Variants in CPEB1 observed in about 807,000 individuals in gnomAD.
CPEB1 encodes the protein cytoplasmic polyadenylation element binding protein 1.
A neutral mutation model predicts 65.8 loss-of-function variants in CPEB1; 7 were observed. The observed-to-expected ratio is 0.11, with a 90% CI of 0.06 to 0.20. The LOEUF is 0.20. Ranked by LOEUF, CPEB1 falls within the 10% of genes least tolerant of loss-of-function variation. CPEB1 has a pLI of 1.00. For missense variants in CPEB1, 551 were observed against 712.2 expected (o/e 0.77, Z 2.58); for synonymous variants, 262 against 260.0 (o/e 1.01, Z -0.08).
chr15:82,564,260 A>C (rs1344990468), intron 4 of CPEB1, among the ~76,000 whole-genome samples: 1 of 151,950 alleles, frequency 6.6e-6, no homozygotes, highest in Non-Finnish European at 1.5e-5. Context: ...TATTCAATTT[A>C]AGGACACAAT....
Position 82,627,343 on chromosome 15 carries a change from C to G in CPEB1, c.121G>C (p.Asp41His), listed in dbSNP as rs528444931. The G allele has an allele frequency of 2.8e-5, 45 of 1,612,576 alleles. No individual in the cohort carries two copies. In the South Asian group the frequency reaches 4.6e-4, roughly 17 times the overall value. Residue 41 changes from aspartate (D) to histidine (H), a missense_variant, in exon 3 of 13, where the codon GAT becomes CAT. By Grantham distance (81) the Asp-to-His change is moderately conservative (BLOSUM62 -1). Transcript: ENST00000684509. Reference sequence around the variant, plus strand: ...GGTGCTTCCTGGTTGTCCCAGCAATCTTTTATCCTTCCTGCTTCTTCTTCC... The same window carrying G: ...GGTGCTTCCTGGTTGTCCCAGCAATGTTTTATCCTTCCTGCTTCTTCTTCC... The part of the protein sequence containing the change: ...PLEEEAGRIK[D>H]CWDNQEAPAL...
chr15:82,595,299 T>A (rs1239025525), intron 3 of CPEB1, among the ~76,000 whole-genome samples: 1 of 152,258 alleles, frequency 6.6e-6, no homozygotes, highest in Non-Finnish European at 1.5e-5. Flanking sequence ...TAAGTTTTTG[T>A]ATGAACATTC....
At position 82,627,346 on chromosome 15, in the gene CPEB1, T is replaced by C. The variant is rs1347429740; in HGVS notation, c.118A>G (p.Lys40Glu). ...IPLEEEAGRIKDCWDNQEAPA... is the reference protein window; with the variant it reads ...IPLEEEAGRIEDCWDNQEAPA... ...GCTTCCTGGTTGTCCCAGCAATCTTTTATCCTTCCTGCTTCTTCTTCCTAG... is the reference window on the plus strand; with the variant it reads ...GCTTCCTGGTTGTCCCAGCAATCTTCTATCCTTCCTGCTTCTTCTTCCTAG... Residue 40 changes from lysine to glutamate, a missense_variant, in exon 3 of 13, where the codon AAA (lysine) becomes GAA (glutamate). Physicochemically the swap from Lys to Glu is moderately conservative, Grantham distance 56. Coordinates refer to ENST00000684509, the MANE Select transcript of CPEB1 (RefSeq NM_001365242.1). 1.9e-6 allele frequency: 3 copies of C among 1,612,614 alleles called. No homozygotes were observed. The highest frequency in any genetic ancestry group is 1.1e-5 in the South Asian group (1 of 90,746).
intron 4 of CPEB1, among the ~76,000 whole-genome samples, chr15:82,568,213 C>G (rs1270203500): frequency 1.3e-5 from 2 of 152,148 alleles, no homozygotes; most frequent in Non-Finnish European, 2.9e-5. Context: ...TCTGTACAAG[C>G]ATTAAAATCA....
intron 1 of CPEB1, among the ~76,000 whole-genome samples, chr15:82,641,858 A>G (rs1250300838): frequency 6.6e-6 from 1 of 152,196 alleles, no homozygotes; most frequent in Non-Finnish European, 1.5e-5. Context: ...CCCAGGTCCA[A>G]GTTAATCAAA....
intron 9 of CPEB1, among the ~76,000 whole-genome samples, 190 bp from the exon 10 acceptor site, chr15:82,549,848 T>G (rs112803112): frequency 1.9e-4 from 29 of 151,928 alleles, no homozygotes; most frequent in African/African-American, 6.3e-4. Context: ...CCAACTGGAG[T>G]TGAATTTTAC....
chr15:82,633,487 C>T (rs1456226939), intron 1 of CPEB1, among the ~76,000 whole-genome samples: 1 of 152,244 alleles, frequency 6.6e-6, no homozygotes, highest in Non-Finnish European at 1.5e-5. Flanking sequence ...ATTCTCCTGC[C>T]TCAGCCTCCC....
intron 3 of CPEB1, among the ~76,000 whole-genome samples, chr15:82,596,672 T>C (rs1278455335): frequency 7.5e-6 from 1 of 133,936 alleles, no homozygotes. Flanking sequence ...CACTCCAACC[T>C]GGGCAACAGA....
intron 3 of CPEB1, among the ~76,000 whole-genome samples, chr15:82,580,493 T>C (rs1218649857): frequency 6.6e-6 from 1 of 152,140 alleles, no homozygotes; most frequent in Non-Finnish European, 1.5e-5. Flanking sequence ...ATGCAAGGGG[T>C]ACCCTGTACT....
chr15:82,645,219 C>T (rs1212788573), intron 1 of CPEB1, among the ~76,000 whole-genome samples: 1 of 152,152 alleles, frequency 6.6e-6, no homozygotes, highest in Non-Finnish European at 1.5e-5. Context: ...AGTGGCTGAT[C>T]TCGGCTCACT....
At chr15:82,577,936 C>G (rs996394253) in intron 3 of CPEB1, among the ~76,000 whole-genome samples, 3 of 151,962 alleles carry the variant, frequency 2.0e-5, no homozygotes, top group African/African-American at 7.2e-5. Context: ...GTCAGGAGAT[C>G]GAGACCATCC....
At chr15:82,596,985 A>G (rs1180351218) in intron 3 of CPEB1, among the ~76,000 whole-genome samples, 1 of 152,174 alleles carries the variant, frequency 6.6e-6, no homozygotes, top group Non-Finnish European at 1.5e-5. Flanking sequence ...TTAGAAAACA[A>G]AAAAGGATAT....
chr15:82,547,669 T>C (rs2035497608), intron 10 of CPEB1, among the ~76,000 whole-genome samples: 1 of 146,420 alleles, frequency 6.8e-6, no homozygotes, highest in Admixed American at 6.7e-5. Context: ...TGTGAGCTAC[T>C]ATGTAACTTT....
rs1190642598 is a variant in CPEB1 at position 82,571,953 on chromosome 15, C to CAAGT, written c.272-422_272-421insACTT. 10 of 726,828 alleles carry CAAGT rather than the reference C, an allele frequency of 1.4e-5. No homozygotes were observed. In the Admixed American group the frequency reaches 1.8e-4, roughly 13 times the overall value. 45.0% of individuals were successfully genotyped at this position (726,828 alleles called of 1,614,324 possible). ...TACTTGGAATAGTCCCGGTGCAGTG[C>CAAGT]CGTTAAGTCTGGGTTGCAAGGCAGC... is the stretch of plus-strand genomic sequence containing the variant. On this transcript the variant is annotated intron_variant, in intron 3 of 12. Transcript: ENST00000684509.
intron 3 of CPEB1, among the ~76,000 whole-genome samples, chr15:82,579,153 A>C (rs998632832): frequency 1.3e-5 from 2 of 152,054 alleles, no homozygotes; most frequent in Admixed American, 1.3e-4. Flanking sequence ...AAAAGACCTC[A>C]ATTTATGTCA....
chr15:82,589,004 C>A (rs2042015167), intron 3 of CPEB1, among the ~76,000 whole-genome samples: 1 of 152,094 alleles, frequency 6.6e-6, no homozygotes, highest in Non-Finnish European at 1.5e-5. Context: ...AATGACTCCT[C>A]TCTCCCCCAT....
intron 1 of CPEB1, among the ~76,000 whole-genome samples, chr15:82,642,421 G>A (rs1157820498): frequency 6.6e-6 from 1 of 152,090 alleles, no homozygotes; most frequent in Non-Finnish European, 1.5e-5. Flanking sequence ...ATGTTGAATG[G>A]CTGTAGTCCT....
intron 1 of CPEB1, among the ~76,000 whole-genome samples, chr15:82,642,644 T>C (rs1307522416): frequency 6.6e-6 from 1 of 152,106 alleles, no homozygotes; most frequent in Admixed American, 6.5e-5. Context: ...AGAAGCAAAA[T>C]TCTTACATAA....
At chr15:82,621,375 A>G (rs1170351120) in intron 3 of CPEB1, among the ~76,000 whole-genome samples, 1 of 151,836 alleles carries the variant, frequency 6.6e-6, no homozygotes. Context: ...TAATCCCAGC[A>G]CTTTGGGAGG....
Sources: gnomAD v4.1 joint callset for allele counts (sites outside exome capture counted in the v4.1 genomes callset) on GRCh38, gnomAD v4.1.1 for gene constraint, MANE v1.5 for transcripts, NCBI Gene and HGNC (gene_info 2026-07-23, HGNC 2026-07-21) for gene names.